Variants in PDXDC1 observed in about 807,000 individuals in gnomAD.
PDXDC1 encodes the protein pyridoxal-dependent decarboxylase domain-containing protein 1.
PDXDC1 carries 42 observed loss-of-function variants against 100.1 expected under a neutral mutation model. The observed-to-expected ratio is 0.42, with a 90% CI of 0.33 to 0.54. The LOEUF is 0.54. Ranked by LOEUF, PDXDC1 falls within the 20% of genes least tolerant of loss-of-function variation. PDXDC1 has a pLI of 0.10. For synonymous variants in PDXDC1, 260 were observed against 371.7 expected, an observed-to-expected ratio of 0.70 and a Z score of 3.46; for missense variants, 636 against 979.2, an observed-to-expected ratio of 0.65 and a Z score of 4.68.
chr16:15,129,178 T>C (rs1306766369), intron 16 of PDXDC1, among the ~76,000 whole-genome samples: 1 of 151,482 alleles, frequency 6.6e-6, no homozygotes, highest in African/African-American at 2.4e-5. Context: ...AAATAAAAAA[T>C]GGGAACACGG....
intron 16 of PDXDC1, chr16:15,130,425 A>G (rs1233361892): frequency 4.0e-6 from 6 of 1,511,268 alleles, no homozygotes; most frequent in African/African-American, 1.4e-5. Flanking sequence ...GGAGAGGTTC[A>G]GACGGTAACT....
intron 1 of PDXDC1, among the ~76,000 whole-genome samples, chr16:14,978,899 G>A (rs1353429697): frequency 1.3e-5 from 2 of 152,284 alleles, no homozygotes; most frequent in Admixed American, 6.5e-5. Flanking sequence ...TGTTATGGGG[G>A]CTGGCCTGTG....
At chr16:15,057,055 TAACAAA>T (rs1020139482) in intron 16 of PDXDC1, among the ~76,000 whole-genome samples, 12 of 152,058 alleles carry the variant, frequency 7.9e-5, no homozygotes, top group Admixed American at 1.3e-4. Flanking sequence ...TGCAGCACAT[TAACAAA>T]AAGTAATTTT....
rs1555478471 is a variant in PDXDC1 at position 15,128,064 on chromosome 16, G to A, written c.1400-10815G>A. On this transcript the variant is annotated intron_variant, in intron 16 of 16. Transcript: ENST00000535621. The stretch of plus-strand genomic sequence containing the variant: ...TCCACCGAAAGCCAGTCATTGACCA[G>A]GAAGAAGGTGCTGTGTGCCGTCTGC... 1.2e-5 allele frequency: 20 copies of A among 1,607,998 alleles called. No individual in the cohort carries two copies. The South Asian group carries it at 2.2e-4, about 18-fold the overall frequency.
chr16:15,043,195 C>T (rs763761447), downstream of PDXDC1, among the ~76,000 whole-genome samples: 14 of 152,064 alleles, frequency 9.2e-5, no homozygotes, highest in East Asian at 3.9e-4. Context: ...CCACCGCACC[C>T]GGCCTAATTT....
At chr16:15,091,669 C>T (rs1293971590) in intron 16 of PDXDC1, among the ~76,000 whole-genome samples, 1 of 152,116 alleles carries the variant, frequency 6.6e-6, no homozygotes, top group Non-Finnish European at 1.5e-5. Flanking sequence ...AAAAAAACAG[C>T]CAGCTATAAT....
intron 1 of PDXDC1, among the ~76,000 whole-genome samples, chr16:14,993,366 C>A (rs2151290485): frequency 1.4e-5 from 2 of 147,482 alleles, no homozygotes; most frequent in Middle Eastern, 3.6e-3. Context: ...TTGTTCATTT[C>A]CCACCTATGA....
chr16:15,026,489 AT>A (rs1381733629), intron 13 of PDXDC1, 153 bp from the exon 14 acceptor site: 1 of 675,022 alleles, frequency 1.5e-6, no homozygotes, highest in African/African-American at 1.8e-5. Context: ...TAAACATTTG[AT>A]TTTTCTCTAG....
chr16:15,148,551 G>A, the PDXDC1 span, among the ~76,000 whole-genome samples: 1 of 150,972 alleles, frequency 6.6e-6, no homozygotes, highest in Non-Finnish European at 1.5e-5. Context: ...CCCGGCCAAT[G>A]TTCTTTTATT....
intron 8 of PDXDC1, chr16:15,015,927 T>C (rs2041759023): frequency 1.5e-5 from 18 of 1,222,900 alleles, no homozygotes; most frequent in Non-Finnish European, 2.0e-5. Flanking sequence ...ATACATGTAA[T>C]AGAGATTACA....
chr16:15,059,442 A>T (rs2044636694), intron 16 of PDXDC1, among the ~76,000 whole-genome samples: 1 of 152,228 alleles, frequency 6.6e-6, no homozygotes, highest in Non-Finnish European at 1.5e-5. Context: ...TAACTTGTAC[A>T]TGCATCGAAT....
intron 16 of PDXDC1, chr16:15,138,284 G>A: frequency 1.8e-5 from 4 of 224,460 alleles, no homozygotes; most frequent in Admixed American, 2.1e-4. Flanking sequence ...GGGGGGATTC[G>A]GCAAAGCTGA....
downstream of PDXDC1, chr16:15,041,527 C>CAG: frequency 1.2e-6 from 1 of 842,858 alleles, no homozygotes. Context: ...CAAGCAGTGA[C>CAG]AGCAGTGTGT....
At chr16:15,048,783 C>G (rs2044182468) in intron 16 of PDXDC1, among the ~76,000 whole-genome samples, 1 of 152,050 alleles carries the variant, frequency 6.6e-6, no homozygotes, top group African/African-American at 2.4e-5. Flanking sequence ...ACCACCACAC[C>G]TGGCTGAGTT....
intron 1 of PDXDC1, among the ~76,000 whole-genome samples, chr16:14,985,604 C>T (rs1281481869): frequency 3.9e-5 from 6 of 152,260 alleles, no homozygotes; most frequent in East Asian, 3.9e-4. Flanking sequence ...TATAATTTTC[C>T]GTTAGCTTTT....
At chr16:15,067,685 G>A (rs1013246582) in intron 16 of PDXDC1, among the ~76,000 whole-genome samples, 1 of 151,882 alleles carries the variant, frequency 6.6e-6, no homozygotes, top group Non-Finnish European at 1.5e-5. Context: ...TGGATAAGAA[G>A]TAGTAGTAAT....
chr16:15,134,023 T>A, intron 16 of PDXDC1: 9 of 1,495,356 alleles, frequency 6.0e-6, no homozygotes, highest in Non-Finnish European at 8.2e-6. Flanking sequence ...GTGGATGTGG[T>A]GGTCTCATCC....
intron 16 of PDXDC1, among the ~76,000 whole-genome samples, chr16:15,058,726 T>G (rs996609808): frequency 1.3e-5 from 2 of 152,120 alleles, no homozygotes; most frequent in Non-Finnish European, 2.9e-5. Context: ...GTGAGACTCT[T>G]GTCTCAAAAA....
chr16:15,070,294 A>G (rs768421804), intron 16 of PDXDC1: 1 of 1,606,274 alleles, frequency 6.2e-7, no homozygotes, highest in Non-Finnish European at 8.5e-7. Flanking sequence ...TACACATCAT[A>G]AAAAAACCAG....
Sources: allele counts gnomAD v4.1 joint callset (sites outside exome capture counted in the v4.1 genomes callset), GRCh38; gene constraint gnomAD v4.1.1; transcripts MANE v1.5; gene names NCBI Gene and HGNC (gene_info 2026-07-23, HGNC 2026-07-21).